Variants in DLG2 observed in about 807,000 individuals in gnomAD.
The protein encoded by DLG2 is discs large MAGUK scaffold protein 2.
A neutral mutation model predicts 132.5 loss-of-function variants in DLG2; 45 were observed. The ratio of observed to expected loss-of-function variants is 0.34; its 90% CI spans 0.27 to 0.44. DLG2 has a LOEUF of 0.44. Ranked by LOEUF, DLG2 falls within the 20% of genes least tolerant of loss-of-function variation. The pLI is 1.00. For synonymous variants in DLG2, 424 were observed against 419.6 expected, an observed-to-expected ratio of 1.01 and a Z score of -0.13; for missense variants, 1,045 against 1,196.9, an observed-to-expected ratio of 0.87 and a Z score of 1.87.
At chr11:84,519,542 G>C (rs1289177994) in intron 7 of DLG2, among the ~76,000 whole-genome samples, 1 of 152,138 alleles carries the variant, frequency 6.6e-6, no homozygotes, top group Non-Finnish European at 1.5e-5. Flanking sequence ...ATCAGAAGCA[G>C]TTCTGCATTT....
intron 18 of DLG2, among the ~76,000 whole-genome samples, chr11:83,731,916 A>T (rs1298305294): frequency 6.6e-6 from 1 of 152,230 alleles, no homozygotes; most frequent in African/African-American, 2.4e-5. Flanking sequence ...TAGTACCTTT[A>T]AAGCACTTAG....
intron 19 of DLG2, among the ~76,000 whole-genome samples, chr11:83,587,455 G>A (rs7939717): frequency 5.9e-5 from 9 of 152,124 alleles, no homozygotes; most frequent in African/African-American, 2.2e-4. Context: ...ATTTTTAACA[G>A]AGATAAGATA....
At chr11:84,372,354 T>C (rs1375689563) in intron 7 of DLG2, among the ~76,000 whole-genome samples, 1 of 152,146 alleles carries the variant, frequency 6.6e-6, no homozygotes, top group Non-Finnish European at 1.5e-5. Flanking sequence ...AAGACTTAAA[T>C]TGGACCTCCT....
At chr11:84,806,877 T>A (rs549212508) in intron 6 of DLG2, among the ~76,000 whole-genome samples, 25 of 152,234 alleles carry the variant, frequency 1.6e-4, no homozygotes, top group East Asian at 9.7e-4. Context: ...AAATATTTTT[T>A]AAAAAATATA....
At chr11:84,860,619 A>G (rs1207061430) in intron 6 of DLG2, among the ~76,000 whole-genome samples, 1 of 152,176 alleles carries the variant, frequency 6.6e-6, no homozygotes, top group African/African-American at 2.4e-5. Context: ...GATGAATCAC[A>G]TAATAGTGTC....
At chr11:84,166,516 A>AAAAAG (rs1566783399) in intron 8 of DLG2, among the ~76,000 whole-genome samples, 9 of 138,282 alleles carry the variant, frequency 6.5e-5, no homozygotes, top group African/African-American at 1.9e-4. Flanking sequence ...AAAAAAAAAA[A>AAAAAG]AAAAGAAAAG....
At chr11:83,729,931 C>T (rs1049336341) in intron 18 of DLG2, among the ~76,000 whole-genome samples, 1 of 152,072 alleles carries the variant, frequency 6.6e-6, no homozygotes, top group Non-Finnish European at 1.5e-5. Flanking sequence ...AACGTCAGAT[C>T]AGAAACCAAG....
intron 11 of DLG2, among the ~76,000 whole-genome samples, chr11:84,036,931 C>G (rs1423925738): frequency 6.6e-6 from 1 of 152,082 alleles, no homozygotes; most frequent in African/African-American, 2.4e-5. Flanking sequence ...TCCAAGGACT[C>G]ATGCAAAGTA....
intron 9 of DLG2, among the ~76,000 whole-genome samples, chr11:84,140,991 A>G (rs1185957233): frequency 6.6e-6 from 1 of 152,134 alleles, no homozygotes; most frequent in Admixed American, 6.6e-5. Flanking sequence ...CAGTTTGCTT[A>G]TCTATAAAAC....
chr11:83,771,959 T>TA (rs1324797769), intron 18 of DLG2, among the ~76,000 whole-genome samples: 1 of 152,220 alleles, frequency 6.6e-6, no homozygotes, highest in Non-Finnish European at 1.5e-5. Context: ...CATATCCCTT[T>TA]AGATGCCAGT....
At chr11:85,208,959 A>G (rs941339484) in intron 4 of DLG2, among the ~76,000 whole-genome samples, 2 of 152,100 alleles carry the variant, frequency 1.3e-5, no homozygotes, top group African/African-American at 4.8e-5. Context: ...GTACTCCCCT[A>G]TCTACCCTCC....
In DLG2 at chr11:84,222,648, T is replaced by C. The variant is rs2096932079; in HGVS notation, c.573+28590A>G. 2.0e-5 allele frequency among the ~76,000 whole-genome samples: 3 copies of C among 152,194 alleles called. 1 individual carries two copies. The South Asian group carries it at 6.2e-4, about 32-fold the overall frequency. On this transcript the variant is annotated intron_variant, in intron 8 of 27. Coordinates refer to ENST00000376104, the MANE Select transcript of DLG2 (RefSeq NM_001142699.3). Reference sequence around the variant, plus strand: ...GATGAGTAGCAGTATTCTGCTCTTATAGCCTGAGAACCTGAGGCTCACCTG... The same window carrying C: ...GATGAGTAGCAGTATTCTGCTCTTACAGCCTGAGAACCTGAGGCTCACCTG...
chr11:84,588,030 C>T (rs2099533880), intron 6 of DLG2, among the ~76,000 whole-genome samples: 1 of 152,122 alleles, frequency 6.6e-6, no homozygotes, highest in South Asian at 2.1e-4. Flanking sequence ...TTTAGGATGA[C>T]CTACATAGCT....
intron 4 of DLG2, among the ~76,000 whole-genome samples, chr11:85,258,867 C>T (rs534102210): frequency 2.1e-4 from 32 of 152,226 alleles, no homozygotes; most frequent in Non-Finnish European, 4.1e-4. Flanking sequence ...TTATTGAGTA[C>T]CTGTTTTGTT....
At chr11:85,478,227 G>T (rs1033899766) in intron 3 of DLG2, among the ~76,000 whole-genome samples, 1 of 151,740 alleles carries the variant, frequency 6.6e-6, no homozygotes, top group African/African-American at 2.4e-5. Context: ...TCACTATGTT[G>T]CCCAGGCTGG....
chr11:84,123,863 G>A (rs566037007), intron 9 of DLG2, among the ~76,000 whole-genome samples: 1 of 152,250 alleles, frequency 6.6e-6, no homozygotes, highest in Non-Finnish European at 1.5e-5. Context: ...TTCTGAAGTT[G>A]AGGCATGTGC....
At chr11:84,723,118 A>T (rs901292351) in intron 6 of DLG2, among the ~76,000 whole-genome samples, 1 of 152,184 alleles carries the variant, frequency 6.6e-6, no homozygotes. Context: ...AATAGATCCT[A>T]AAAAAGCTGT....
chr11:84,827,115 T>C (rs2078424165), intron 6 of DLG2, among the ~76,000 whole-genome samples: 1 of 151,714 alleles, frequency 6.6e-6, no homozygotes, highest in Non-Finnish European at 1.5e-5. Context: ...AGTAACTCAA[T>C]ATATAGTTGA....
rs566671520 is a variant in DLG2, at chr11:83,485,056, TTAACTTGA to T, written c.2194-836_2194-829del. Among the ~76,000 whole-genome samples, 13 of 152,232 alleles carry T rather than the reference TTAACTTGA, an allele frequency of 8.5e-5. No homozygotes were observed. In the East Asian group the frequency reaches 2.5e-3, roughly 29 times the overall value. On this transcript the variant is annotated intron_variant, in intron 21 of 27. Coordinates refer to ENST00000376104, the MANE Select transcript of DLG2 (RefSeq NM_001142699.3). Reference sequence around the variant, plus strand: ...TGTTAAAATTGCTGCTAAAGGGGTATTAACTTGATATTAACTTAACTTATCAAAGGAAA... The same window carrying T: ...TGTTAAAATTGCTGCTAAAGGGGTATTATTAACTTAACTTATCAAAGGAAA...
Sources: allele counts gnomAD v4.1 joint callset (sites outside exome capture counted in the v4.1 genomes callset), GRCh38; gene constraint gnomAD v4.1.1; transcripts MANE v1.5; gene names NCBI Gene and HGNC (gene_info 2026-07-23, HGNC 2026-07-21).